The following ATP6V1B1 variants were observed in gnomAD, a reference collection of about 807,000 sequenced individuals.
ATP6V1B1 encodes the protein V-type proton ATPase subunit B, kidney isoform.
A neutral mutation model predicts 62.1 loss-of-function variants in ATP6V1B1; 41 were observed. The ratio of observed to expected loss-of-function variants is 0.66; its 90% CI spans 0.51 to 0.86. ATP6V1B1 has a LOEUF of 0.86. Ranked by LOEUF, ATP6V1B1 falls within the 40% of genes least tolerant of loss-of-function variation. The pLI is 0.00. For synonymous variants in ATP6V1B1, 253 were observed against 273.4 expected (o/e 0.93, Z 0.74); for missense variants, 651 against 697.5 (o/e 0.93, Z 0.75).
In ATP6V1B1 at chr2:70,963,715, G is replaced by A. The variant is rs1680645371; in HGVS notation, c.1143+61G>A. 9.6e-6 allele frequency: 15 copies of A among 1,562,996 alleles called. No homozygotes were observed. Among genetic ancestry groups the A allele is most frequent in the Non-Finnish European group, 1.3e-5 (15 of 1,135,058 alleles). Reference sequence around the variant, plus strand: ...CCCAGAGAAACACTGAGGAACAGATGTTTCACTGCCCCCAGGCATGAATTA... The same window carrying A: ...CCCAGAGAAACACTGAGGAACAGATATTTCACTGCCCCCAGGCATGAATTA... On this transcript the variant is annotated intron_variant, in intron 11 of 13. Coordinates refer to ENST00000234396, the MANE Select transcript of ATP6V1B1 (RefSeq NM_001692.4). The surrounding 1 kb of genome is among the most constrained non-coding windows in gnomAD (Gnocchi z 4.3).
At chr2:70,953,788 G>A (rs1680371511) in intron 2 of ATP6V1B1, among the ~76,000 whole-genome samples, 1 of 152,136 alleles carries the variant, frequency 6.6e-6, no homozygotes, top group African/African-American at 2.4e-5. Flanking sequence ...TTCCTTGACT[G>A]TTAGAACTCA....
chr2:70,959,806 ACGGC>A lies in ATP6V1B1; in HGVS notation c.446-131_446-128del. The A allele has an allele frequency of 7.4e-7, 1 of 1,346,846 alleles. No homozygotes were observed. Among genetic ancestry groups the A allele is most frequent in the Admixed American group, 1.9e-5 (1 of 53,504 alleles). 83.4% of individuals were successfully genotyped at this position (1,346,846 alleles called of 1,614,324 possible). ...TGTATCTAGGGCTACATCAGGCAGC[ACGGC>A]CAGAGCACGTTTCTATCATCACAGA... On this transcript the variant is annotated intron_variant, in intron 5 of 13. Transcript: ENST00000234396. This position sits in a 1 kb window ranked among gnomAD's most constrained non-coding sequence, Gnocchi z 4.2.
chr2:70,961,526 C>G (rs1553420095), intron 7 of ATP6V1B1, 70 bp from the exon 8 acceptor site: 1 of 1,507,114 alleles, frequency 6.6e-7, no homozygotes, highest in Non-Finnish European at 9.2e-7. Context: ...CCTGAGGACA[C>G]CTGGGAGGGG....
At chr2:70,962,274 T>G (rs1680605304) in intron 8 of ATP6V1B1, among the ~76,000 whole-genome samples, 1 of 151,962 alleles carries the variant, frequency 6.6e-6, no homozygotes. Flanking sequence ...GACGAGCACA[T>G]TAGGTGTGCT....
chr2:70,958,261 A>G (rs967063), intron 3 of ATP6V1B1, 72 bp from the exon 4 acceptor site: 2 of 1,593,468 alleles, frequency 1.3e-6, no homozygotes, highest in African/African-American at 2.7e-5. Flanking sequence ...GAGCACAGAA[A>G]GTGCCCAGAA....
chr2:70,963,359 CT>C lies in ATP6V1B1; in HGVS notation c.1060+51del. ...ACCCTCCAGAGCTCCCCTGTCCTCCCTTTTCCAACCAGATACTTAAAGGGCC... is the reference window on the plus strand; with the variant it reads ...ACCCTCCAGAGCTCCCCTGTCCTCCCTTTCCAACCAGATACTTAAAGGGCC... On this transcript the variant is annotated intron_variant, in intron 10 of 13. Coordinates refer to ENST00000234396, the MANE Select transcript of ATP6V1B1 (RefSeq NM_001692.4). The surrounding 1 kb of genome is among the most constrained non-coding windows in gnomAD (Gnocchi z 4.3). The C allele has an allele frequency of 6.2e-7, 1 of 1,612,062 alleles. No individual in the cohort carries two copies.
At chr2:70,936,731 A>C (rs1304611457) in intron 1 of ATP6V1B1, among the ~76,000 whole-genome samples, 1 of 152,150 alleles carries the variant, frequency 6.6e-6, no homozygotes. Context: ...ACGTGTGTGC[A>C]TGTGCACTCA....
In ATP6V1B1 at chr2:70,935,919, G is replaced by T. The variant is rs1679838923; in HGVS notation, c.-36G>T. 6.3e-7 allele frequency: 1 copy of T among 1,582,002 alleles called. No homozygotes were observed. Among genetic ancestry groups the T allele is most frequent in the Middle Eastern group, 1.7e-4 (1 of 5,966 alleles). On this transcript the variant is annotated 5_prime_UTR_variant, in exon 1 of 14. In the 5' UTR this introduces an upstream ATG that the reference lacks. Coordinates refer to ENST00000234396, the MANE Select transcript of ATP6V1B1 (RefSeq NM_001692.4). Reference sequence around the variant, plus strand: ...AGTCTCAGAGCTGCCACCAGCAGCAGGCTCAGACACTGGGCTCCCAGCTGG... The same window carrying T: ...AGTCTCAGAGCTGCCACCAGCAGCATGCTCAGACACTGGGCTCCCAGCTGG...
chr2:70,945,071 G>A (rs1680123620), intron 2 of ATP6V1B1, among the ~76,000 whole-genome samples: 1 of 152,102 alleles, frequency 6.6e-6, no homozygotes, highest in Non-Finnish European at 1.5e-5. Context: ...GTCTGCATGG[G>A]GCTGCCATTT....
chr2:70,953,345 T>A (rs776309918), intron 2 of ATP6V1B1, among the ~76,000 whole-genome samples: 1 of 152,230 alleles, frequency 6.6e-6, no homozygotes, highest in Non-Finnish European at 1.5e-5. Flanking sequence ...AGTACTTTTG[T>A]TCTTTTTTGT....
At chr2:70,941,143 C>G (rs1553416357) in intron 1 of ATP6V1B1, 1 of 591,196 alleles carries the variant, frequency 1.7e-6, no homozygotes. Context: ...GTCTCGAACT[C>G]CTGGGCTCAA....
rs547914772 is a variant in ATP6V1B1, at chr2:70,961,484, A to G, written c.688-112A>G. 17 of 1,131,866 alleles carry G rather than the reference A, an allele frequency of 1.5e-5. No individual in the cohort carries two copies. In the African/African-American group the frequency reaches 2.4e-4, roughly 16 times the overall value. 70.1% of individuals were successfully genotyped at this position (1,131,866 alleles called of 1,614,324 possible). On this transcript the variant is annotated intron_variant, in intron 7 of 13. Coordinates refer to ENST00000234396, the MANE Select transcript of ATP6V1B1 (RefSeq NM_001692.4). ...CCATGGCCTTGGTGTCTTCACCCCC[A>G]GCGACTGGTAGCTGGTCAGTCCACA...
In ATP6V1B1 at chr2:70,961,628, T is replaced by C. The variant is rs1553420121; in HGVS notation, c.720T>C (p.Ser240=). 6.2e-7 allele frequency: 1 copy of C among 1,614,264 alleles called. No homozygotes were observed. The highest frequency in any genetic ancestry group is 1.1e-5 in the South Asian group (1 of 91,088). ...VNMETARFFK[S]DFEQNGTMGN... ...TGGAGACAGCCAGATTCTTCAAGTC[T>C]GACTTTGAGCAGAATGGAACCATGG... Residue 240 remains serine, a synonymous_variant, in exon 8 of 14, where the codon TCT becomes TCC. Coordinates refer to ENST00000234396, the MANE Select transcript of ATP6V1B1 (RefSeq NM_001692.4).
In ATP6V1B1 at chr2:70,960,724, G is replaced by A. The variant is rs576767636; in HGVS notation, c.586-197G>A. On this transcript the variant is annotated intron_variant, in intron 6 of 13. Transcript: ENST00000234396. Reference sequence around the variant, plus strand: ...GGACTGTTACTCTGTCCTGCCTCTCGTGTCAGGCACCCCCAGCCCACTAGC... The same window carrying A: ...GGACTGTTACTCTGTCCTGCCTCTCATGTCAGGCACCCCCAGCCCACTAGC... 4.5e-4 allele frequency among the ~76,000 whole-genome samples: 69 copies of A among 152,214 alleles called. No individual in the cohort carries two copies. In the Middle Eastern group the frequency reaches 0.01, roughly 23 times the overall value.
At chr2:70,941,726 G>A in intron 1 of ATP6V1B1, 1 of 985,400 alleles carries the variant, frequency 1.0e-6, no homozygotes, top group Non-Finnish European at 1.2e-6. Flanking sequence ...GGGAGGGAAG[G>A]AAGAAGGCAG....
chr2:70,944,668 CT>C (rs36039112), intron 2 of ATP6V1B1, among the ~76,000 whole-genome samples: 3,268 of 129,334 alleles, frequency 0.025, 62 homozygotes, highest in African/African-American at 0.075. Flanking sequence ...CAGGTCTTTT[CT>C]TTTTTTTTTT....
At chr2:70,938,348 G>A (rs1553415874) in intron 1 of ATP6V1B1, among the ~76,000 whole-genome samples, 1 of 152,064 alleles carries the variant, frequency 6.6e-6, no homozygotes, top group Admixed American at 6.5e-5. Context: ...TACGCCAGAG[G>A]CAGGGCCACT....
chr2:70,963,432 A>G lies in ATP6V1B1; in HGVS notation c.1060+120A>G. On this transcript the variant is annotated intron_variant, in intron 10 of 13. Coordinates refer to ENST00000234396, the MANE Select transcript of ATP6V1B1 (RefSeq NM_001692.4). The surrounding 1 kb of genome is among the most constrained non-coding windows in gnomAD (Gnocchi z 4.3). ...GCAGCAGCGCTTTTCCTCCATCGAG[A>G]TAGACACTGCCCTTTCCTCCACCAT... 1 of 1,545,320 alleles carries G rather than the reference A, an allele frequency of 6.5e-7. No homozygotes were observed. The highest frequency in any genetic ancestry group is 8.9e-7 in the Non-Finnish European group (1 of 1,122,156).
Position 70,959,952 on chromosome 2 carries a change from C to T in ATP6V1B1, c.459C>T (p.Asn153=). ...GCCCTCTCCCAGGCCAGCCCATCAA[C>T]CCGCACTCCCGCATCTACCCCGAGG... ...DFLDINGQPI[N]PHSRIYPEEM... is the part of the protein sequence containing the mutation. The change falls in exon 6 of 14, where the codon AAC becomes AAT. Residue 153 remains asparagine, a synonymous_variant. Coordinates refer to ENST00000234396, the MANE Select transcript of ATP6V1B1 (RefSeq NM_001692.4). This position sits in a 1 kb window ranked among gnomAD's most constrained non-coding sequence, Gnocchi z 4.2. 1 of 1,614,198 alleles carries T rather than the reference C, an allele frequency of 6.2e-7. No individual in the cohort carries two copies. Among genetic ancestry groups the T allele is most frequent in the Non-Finnish European group, 8.5e-7 (1 of 1,180,048 alleles).
Sources: gnomAD v4.1 joint callset for allele counts (sites outside exome capture counted in the v4.1 genomes callset) on GRCh38, gnomAD v4.1.1 for gene constraint, Gnocchi (gnomAD v3.1) non-coding constraint, MANE v1.5 for transcripts, NCBI Gene and HGNC (gene_info 2026-07-23, HGNC 2026-07-21) for gene names.